Variants in CSMD1 observed in about 807,000 individuals in gnomAD.
CSMD1 encodes the protein CUB and Sushi multiple domains 1.
A neutral mutation model predicts 417.5 loss-of-function variants in CSMD1; 213 were observed. The ratio of observed to expected loss-of-function variants is 0.51; its 90% CI spans 0.46 to 0.57. CSMD1 has a LOEUF of 0.57. Ranked by LOEUF, CSMD1 falls within the 20% of genes least tolerant of loss-of-function variation. The probability of loss-of-function intolerance (pLI) is 0.00; values close to 1 mark genes in which losing one functional copy is unlikely to be tolerated. For synonymous variants in CSMD1, 2,862 were observed against 1,736.8 expected (o/e 1.65, Z -16.11); for missense variants, 6,923 against 4,529.7 (o/e 1.53, Z -15.17).
intron 3 of CSMD1, among the ~76,000 whole-genome samples, chr8:4,362,401 T>C (rs1214093185): frequency 6.6e-6 from 1 of 152,114 alleles, no homozygotes; most frequent in Non-Finnish European, 1.5e-5. Flanking sequence ...GGACAGAGTC[T>C]CAGGTCCGAG....
chr8:4,582,232 A>G (rs1052967086), intron 2 of CSMD1, among the ~76,000 whole-genome samples: 4 of 152,152 alleles, frequency 2.6e-5, no homozygotes, highest in African/African-American at 9.7e-5. Context: ...ATTACTGTCA[A>G]TAATAATAAA....
At chr8:3,931,744 C>A (rs1478302369) in intron 5 of CSMD1, among the ~76,000 whole-genome samples, 3 of 148,646 alleles carry the variant, frequency 2.0e-5, no homozygotes, top group African/African-American at 7.5e-5. Context: ...TCAATCCACA[C>A]CAGAGGAAAC....
At chr8:3,711,667 C>A (rs546995288) in intron 6 of CSMD1, among the ~76,000 whole-genome samples, 1 of 152,144 alleles carries the variant, frequency 6.6e-6, no homozygotes, top group African/African-American at 2.4e-5. Context: ...TCCACTTCTG[C>A]GGTTCTCCTG....
At chr8:4,814,375 A>G (rs1245521443) in intron 1 of CSMD1, among the ~76,000 whole-genome samples, 1 of 152,172 alleles carries the variant, frequency 6.6e-6, no homozygotes, top group African/African-American at 2.4e-5. Context: ...TCTCCCGAGT[A>G]GCTGGGATTA....
At chr8:3,569,269 G>C (rs1799846220) in intron 10 of CSMD1, among the ~76,000 whole-genome samples, 1 of 152,110 alleles carries the variant, frequency 6.6e-6, no homozygotes, top group African/African-American at 2.4e-5. Flanking sequence ...ACATGATATA[G>C]CATGATAACA....
chr8:3,283,897 A>C lies in CSMD1; in HGVS notation c.4153+247T>G, dbSNP rs79647352. Among the ~76,000 whole-genome samples the C allele has an allele frequency of 6.6e-5, 10 of 152,340 alleles. No homozygotes were observed. In the East Asian group the frequency reaches 1.7e-3, roughly 26 times the overall value. ...TTCTGAAGGTTCCAGTGGCATGCAA[A>C]ATGCACATCAAATGAGTTTGGTTAT... On this transcript the variant is annotated intron_variant, in intron 26 of 69. Coordinates refer to ENST00000635120, the MANE Select transcript of CSMD1 (RefSeq NM_033225.6).
At chr8:3,245,301 G>C (rs1208276024) in intron 26 of CSMD1, among the ~76,000 whole-genome samples, 1 of 152,058 alleles carries the variant, frequency 6.6e-6, no homozygotes, top group Non-Finnish European at 1.5e-5. Context: ...GTTCCTTCCG[G>C]TACCTGGGTC....
chr8:4,604,376 T>C (rs1055609222), intron 2 of CSMD1, among the ~76,000 whole-genome samples: 1 of 125,616 alleles, frequency 8.0e-6, no homozygotes, highest in African/African-American at 2.7e-5. Context: ...TCTTGACAAA[T>C]AGCATTGTGT....
At chr8:4,076,817 C>A (rs1799846052) in intron 3 of CSMD1, among the ~76,000 whole-genome samples, 3 of 152,128 alleles carry the variant, frequency 2.0e-5, no homozygotes, top group Admixed American at 2.0e-4. Context: ...GCAAGGCCAG[C>A]CATGCCTTTG....
chr8:3,435,911 C>A (rs1239282043), intron 12 of CSMD1, among the ~76,000 whole-genome samples: 1 of 152,222 alleles, frequency 6.6e-6, no homozygotes, highest in Non-Finnish European at 1.5e-5. Flanking sequence ...GAGTCTTCCC[C>A]TATAGCTTAG....
At chr8:4,572,141 G>C (rs920386718) in intron 2 of CSMD1, among the ~76,000 whole-genome samples, 5 of 152,194 alleles carry the variant, frequency 3.3e-5, no homozygotes, top group African/African-American at 7.2e-5. Context: ...TGTTATGTGT[G>C]AATTCGAACC....
At chr8:3,034,713 CA>C (rs2128979718) in intron 50 of CSMD1, among the ~76,000 whole-genome samples, 1 of 152,182 alleles carries the variant, frequency 6.6e-6, no homozygotes, top group South Asian at 2.1e-4. Flanking sequence ...TTTCTTCCCA[CA>C]ATATCATACT....
chr8:3,326,904 G>C (rs565190855), intron 23 of CSMD1, among the ~76,000 whole-genome samples: 34 of 152,208 alleles, frequency 2.2e-4, no homozygotes, highest in Non-Finnish European at 1.5e-5. Context: ...TGATAGGAAA[G>C]TTTTGCTCAT....
intron 5 of CSMD1, among the ~76,000 whole-genome samples, chr8:3,865,454 A>C (rs1388726897): frequency 6.6e-6 from 1 of 152,078 alleles, no homozygotes; most frequent in East Asian, 1.9e-4. Context: ...GCAGAGTCAC[A>C]GGTGCTCTTC....
rs74617479 is a variant in CSMD1 at position 4,308,524 on chromosome 8, C to T, written c.415+111429G>A. 2.6e-4 allele frequency among the ~76,000 whole-genome samples: 40 copies of T among 152,298 alleles called. 2 individuals are homozygous for T. The East Asian group carries it at 7.3e-3, about 28-fold the overall frequency. On this transcript the variant is annotated intron_variant, in intron 3 of 69. Coordinates refer to ENST00000635120, the MANE Select transcript of CSMD1 (RefSeq NM_033225.6). ...CCATTTCAGTACTTCAGAGACCCTG[C>T]TGTGTTTAGCAGAGTTGGACGTTGT...
chr8:4,647,618 A>C (rs1803619582), intron 1 of CSMD1, among the ~76,000 whole-genome samples: 1 of 148,078 alleles, frequency 6.8e-6, no homozygotes, highest in South Asian at 2.1e-4. Flanking sequence ...CTCTGTATCT[A>C]TGTGTTCTCA....
intron 3 of CSMD1, among the ~76,000 whole-genome samples, chr8:4,246,033 T>C (rs1470306419): frequency 6.6e-6 from 1 of 152,180 alleles, no homozygotes; most frequent in African/African-American, 2.4e-5. Flanking sequence ...GTTGTTTGAT[T>C]TTTAACTTTT....
chr8:3,637,171 G>C (rs1011163220), intron 7 of CSMD1, among the ~76,000 whole-genome samples: 1 of 152,060 alleles, frequency 6.6e-6, no homozygotes, highest in East Asian at 1.9e-4. Context: ...AAATTAACTA[G>C]GACAATTGTT....
At chr8:4,682,522 G>C (rs1414072953) in intron 1 of CSMD1, among the ~76,000 whole-genome samples, 1 of 151,828 alleles carries the variant, frequency 6.6e-6, no homozygotes, top group Non-Finnish European at 1.5e-5. Flanking sequence ...TTTTTCATTA[G>C]CATCAGAAAA....
Sources: allele counts gnomAD v4.1 joint callset (sites outside exome capture counted in the v4.1 genomes callset), GRCh38; gene constraint gnomAD v4.1.1; transcripts MANE v1.5; gene names NCBI Gene and HGNC (gene_info 2026-07-23, HGNC 2026-07-21).